The following ADGRL1 variants were observed in gnomAD, a reference collection of about 807,000 sequenced individuals.
The protein encoded by ADGRL1 is CIRL-1.
In ADGRL1, 31 loss-of-function variants were observed where a neutral mutation model predicts 148.9. That is an observed-to-expected ratio of 0.21 (90% CI 0.16 to 0.28). ADGRL1 has a LOEUF of 0.28. ADGRL1 is among the 10% of genes least tolerant of loss of function. The pLI is 1.00. For synonymous variants in ADGRL1, 937 were observed against 900.3 expected, an observed-to-expected ratio of 1.04 and a Z score of -0.73; for missense variants, 1,521 against 2,058.8, an observed-to-expected ratio of 0.74 and a Z score of 5.05.
chr19:14,193,085 T>TA (rs1972043099), intron 1 of ADGRL1, among the ~76,000 whole-genome samples: 1 of 151,402 alleles, frequency 6.6e-6, no homozygotes, highest in African/African-American at 2.4e-5. Flanking sequence ...GCCTTAGGGG[T>TA]ACAGACAGAG....
chr19:14,155,739 CG>C lies in ADGRL1; in HGVS notation c.3126-213del, dbSNP rs1968662961. ...GAGGGAAAGGTACTGGGTCAGGGGTCGGGGTATTGTGAACATCAGTTATTCC... is the reference window on the plus strand; with the variant it reads ...GAGGGAAAGGTACTGGGTCAGGGGTCGGGTATTGTGAACATCAGTTATTCC... On this transcript the variant is annotated intron_variant, in intron 17 of 22. Transcript: ENST00000361434. This position sits in a 1 kb window ranked among gnomAD's most constrained non-coding sequence, Gnocchi z 5.0. 1.7e-6 allele frequency: 1 copy of C among 590,250 alleles called. No homozygotes were observed. The highest frequency in any genetic ancestry group is 3.0e-6 in the Non-Finnish European group (1 of 332,400). The allele number at this position is 590,250 out of a possible 1,614,324, so 36.6% of individuals were successfully genotyped here. A position where few individuals can be genotyped will look rare whatever the true frequency, so the allele number is the denominator to read the frequency against.
At position 14,161,494 on chromosome 19, in the gene ADGRL1, T is replaced by C. The variant is rs1479588491; in HGVS notation, c.1328A>G (p.Asn443Ser). The C allele has an allele frequency of 2.1e-6, 3 of 1,438,036 alleles. No homozygotes were observed. The highest frequency in any genetic ancestry group is 1.9e-4 in the Middle Eastern group (1 of 5,382). 89.1% of individuals were successfully genotyped at this position (1,438,036 alleles called of 1,614,324 possible). A position where few individuals can be genotyped will look rare whatever the true frequency, so the allele number is the denominator to read the frequency against. ...PLTTHPVGAI[N>S]QLGPDLPPAT... The stretch of plus-strand genomic sequence containing the variant: ...TGGAGGCAGATCAGGTCCCAGCTGG[T>C]TGATGGCACCCACTGGGTGCGTGGT... The change falls in exon 6 of 23, where the codon AAC becomes AGC. Residue 443 changes from asparagine (N) to serine (S), a missense_variant. Physicochemically the swap from Asn to Ser is conservative, Grantham distance 46. This residue lies in a region of ADGRL1 where 270 missense variants were observed against 320.4 expected (regional missense o/e 0.84). Coordinates refer to ENST00000361434, the MANE Select transcript of ADGRL1 (RefSeq NM_014921.5). The surrounding 1 kb of genome is among the most constrained non-coding windows in gnomAD (Gnocchi z 4.4).
Position 14,155,894 on chromosome 19 carries a change from CT to C in ADGRL1, c.3125+215del. 1.7e-6 allele frequency: 1 copy of C among 591,232 alleles called. No homozygotes were observed. The highest frequency in any genetic ancestry group is 3.0e-6 in the Non-Finnish European group (1 of 330,910). The allele number at this position is 591,232 out of a possible 1,614,324, so 36.6% of individuals were successfully genotyped here. On this transcript the variant is annotated intron_variant, in intron 17 of 22. Transcript: ENST00000361434. The surrounding 1 kb of genome is among the most constrained non-coding windows in gnomAD (Gnocchi z 5.0). ...AGCCTCAGCCTACATACCGATGCCCCTAAAACCACAGGTTGGACGTGCTAAT... is the reference window on the plus strand; with the variant it reads ...AGCCTCAGCCTACATACCGATGCCCCAAAACCACAGGTTGGACGTGCTAAT...
At position 14,159,841 on chromosome 19, in the gene ADGRL1, A is replaced by C; in HGVS notation, c.1801-68T>G. On this transcript the variant is annotated intron_variant, in intron 8 of 22. Transcript: ENST00000361434. This position sits in a 1 kb window ranked among gnomAD's most constrained non-coding sequence, Gnocchi z 6.0. Reference sequence around the variant, plus strand: ...CCGGTTCCCTCACCCTAATACTGTCACATCTGGATAGCTCTCTCGTCTGCG... The same window carrying C: ...CCGGTTCCCTCACCCTAATACTGTCCCATCTGGATAGCTCTCTCGTCTGCG... 7.5e-7 allele frequency: 1 copy of C among 1,332,910 alleles called. No homozygotes were observed. The highest frequency in any genetic ancestry group is 1.1e-6 in the Non-Finnish European group (1 of 924,572). The allele number at this position is 1,332,910 out of a possible 1,614,324, so 82.6% of individuals were successfully genotyped here.
At chr19:14,174,126 A>T (rs1970662494) in intron 3 of ADGRL1, among the ~76,000 whole-genome samples, 1 of 152,064 alleles carries the variant, frequency 6.6e-6, no homozygotes, top group African/African-American at 2.4e-5. Context: ...CCCCACGGAC[A>T]TGGGAACTGG....
intron 2 of ADGRL1, 49 bp from the exon 3 acceptor site, chr19:14,177,793 G>A (rs1313476658): frequency 1.3e-6 from 2 of 1,534,958 alleles, no homozygotes; most frequent in South Asian, 2.3e-5. Flanking sequence ...GGGCCAGGAA[G>A]GGAAGACCCT....
At chr19:14,193,154 C>T (rs117642566) in intron 1 of ADGRL1, among the ~76,000 whole-genome samples, 25,293 of 151,752 alleles carry the variant, frequency 0.17, 2,451 homozygotes, top group Non-Finnish European at 0.22. Flanking sequence ...CTCCAGACAC[C>T]CCCAGGAACC....
At chr19:14,182,877 A>G (rs1052846093) in intron 2 of ADGRL1, among the ~76,000 whole-genome samples, 1 of 151,992 alleles carries the variant, frequency 6.6e-6, no homozygotes, top group African/African-American at 2.4e-5. Context: ...GAGCAGAGTC[A>G]CCCGCCAATG....
chr19:14,159,975 A>G lies in ADGRL1; in HGVS notation c.1800+137T>C. The G allele has an allele frequency of 4.8e-6, 5 of 1,048,568 alleles. No individual in the cohort carries two copies. The highest frequency in any genetic ancestry group is 4.1e-6 in the Non-Finnish European group (3 of 730,660). 65.0% of individuals were successfully genotyped at this position (1,048,568 alleles called of 1,614,324 possible). ...AGTGAGACCCGGCAGTCCTTGGCGG[A>G]GAGGGGGGGGTCCTTCCTCTCTGAG... On this transcript the variant is annotated intron_variant, in intron 8 of 22. Transcript: ENST00000361434. The surrounding 1 kb of genome is among the most constrained non-coding windows in gnomAD (Gnocchi z 6.0).
intron 1 of ADGRL1, among the ~76,000 whole-genome samples, chr19:14,202,266 T>C (rs1972663798): frequency 6.6e-6 from 1 of 151,876 alleles, no homozygotes; most frequent in African/African-American, 2.4e-5. Context: ...TTTTTTTTTT[T>C]TATTGAGAAT....
At chr19:14,202,500 G>A (rs1972680570) in intron 1 of ADGRL1, among the ~76,000 whole-genome samples, 3 of 152,054 alleles carry the variant, frequency 2.0e-5, no homozygotes, top group South Asian at 2.1e-4. Flanking sequence ...TGATCCACCC[G>A]CCTCAGCCTC....
chr19:14,168,029 A>T (rs2144833235), intron 4 of ADGRL1, among the ~76,000 whole-genome samples: 1 of 152,182 alleles, frequency 6.6e-6, no homozygotes, highest in Non-Finnish European at 1.5e-5. Flanking sequence ...GAGGGTTCCC[A>T]CACATCACGT....
chr19:14,170,624 C>T, intron 4 of ADGRL1, 58 bp downstream of exon 4: 1 of 1,050,834 alleles, frequency 9.5e-7, no homozygotes, highest in South Asian at 1.3e-5. Context: ...AAGGTGTCTC[C>T]TCCTCACTCA....
At chr19:14,193,282 A>C (rs2145121076) in intron 1 of ADGRL1, among the ~76,000 whole-genome samples, 2 of 150,938 alleles carry the variant, frequency 1.3e-5, no homozygotes, top group East Asian at 3.9e-4. Context: ...AAAAAAAAAA[A>C]AAAAAAAAAA....
At chr19:14,182,579 G>T (rs1176735613) in intron 2 of ADGRL1, among the ~76,000 whole-genome samples, 1 of 152,172 alleles carries the variant, frequency 6.6e-6, no homozygotes, top group African/African-American at 2.4e-5. Flanking sequence ...GTCCCAGCGG[G>T]GGGAACATTT....
chr19:14,160,637 G>A lies in ADGRL1; in HGVS notation c.1570C>T (p.Leu524Phe). Residue 524 changes from leucine (L) to phenylalanine (F), a missense_variant, in exon 7 of 23, where the codon CTC becomes TTC. By Grantham distance (22) the Leu-to-Phe change is conservative (BLOSUM62 0). Transcript: ENST00000361434. The surrounding 1 kb of genome is among the most constrained non-coding windows in gnomAD (Gnocchi z 5.9). ...LGLWNPRGPD[L>F]SNCTSPWVNQ... ...ACCCAGGGGGAGGTGCAGTTGCTGA[G>A]GTCAGGGCCCCGGGGGTTCCAGAGC... 2 of 1,612,968 alleles carry A rather than the reference G, an allele frequency of 1.2e-6. No individual in the cohort carries two copies. The highest frequency in any genetic ancestry group is 1.7e-5 in the Admixed American group (1 of 59,932).
chr19:14,160,561 T>C lies in ADGRL1; in HGVS notation c.1614+32A>G. On this transcript the variant is annotated intron_variant, in intron 7 of 22. Coordinates refer to ENST00000361434, the MANE Select transcript of ADGRL1 (RefSeq NM_014921.5). The surrounding 1 kb of genome is among the most constrained non-coding windows in gnomAD (Gnocchi z 5.9). ...GCCCTGGGCCCTGGGCCCGAGCACA[T>C]GTGCCTGCCTGCGAGGGGTGGTGGC... 5 of 1,499,292 alleles carry C rather than the reference T, an allele frequency of 3.3e-6. No individual in the cohort carries two copies. The highest frequency in any genetic ancestry group is 4.5e-6 in the Non-Finnish European group (5 of 1,099,366). 92.9% of individuals were successfully genotyped at this position (1,499,292 alleles called of 1,614,324 possible).
At chr19:14,164,074 T>C (rs772945121) in intron 4 of ADGRL1, among the ~76,000 whole-genome samples, 17 of 151,824 alleles carry the variant, frequency 1.1e-4, no homozygotes, top group Non-Finnish European at 1.8e-4. Flanking sequence ...TCTCCCCAGG[T>C]TCCTGATGCA....
At chr19:14,151,956 A>G (rs1968243394) in intron 22 of ADGRL1, among the ~76,000 whole-genome samples, 177 bp downstream of exon 22, 1 of 152,108 alleles carries the variant, frequency 6.6e-6, no homozygotes, top group African/African-American at 2.4e-5. Flanking sequence ...GCCCAAACTC[A>G]ATGAACACCA....
Sources: allele counts gnomAD v4.1 joint callset (sites outside exome capture counted in the v4.1 genomes callset), GRCh38; gene constraint gnomAD v4.1.1; regional missense constraint gnomAD v4.1.1; non-coding constraint Gnocchi (gnomAD v3.1); transcripts MANE v1.5; gene names NCBI Gene and HGNC (gene_info 2026-07-23, HGNC 2026-07-21).